The following ATF7IP variants were observed in gnomAD, a reference collection of about 807,000 sequenced individuals.
ATF7IP encodes activating transcription factor 7 interacting protein.
ATF7IP carries 23 observed loss-of-function variants against 106.4 expected under a neutral mutation model. The observed-to-expected ratio is 0.22, with a 90% CI of 0.16 to 0.31. The LOEUF (loss-of-function observed/expected upper bound fraction) is 0.31. Ranked by LOEUF, ATF7IP falls within the 10% of genes least tolerant of loss-of-function variation. The probability of loss-of-function intolerance (pLI) is 1.00; values close to 1 mark genes in which losing one functional copy is unlikely to be tolerated. For missense variants in ATF7IP, 1,334 were observed against 1,524.3 expected (o/e 0.88, Z 2.08); for synonymous variants, 542 against 539.0 (o/e 1.01, Z -0.08).
At chr12:14,467,541 T>C (rs1325172453) in intron 10 of ATF7IP, among the ~76,000 whole-genome samples, 1 of 152,222 alleles carries the variant, frequency 6.6e-6, no homozygotes, top group Non-Finnish European at 1.5e-5. Flanking sequence ...ATTAAAATTA[T>C]AAGATTGAGA....
intron 1 of ATF7IP, among the ~76,000 whole-genome samples, chr12:14,389,729 G>T (rs555927489): frequency 6.6e-6 from 1 of 152,268 alleles, no homozygotes; most frequent in South Asian, 2.1e-4. Flanking sequence ...CCAGGTTCAA[G>T]CAATTCTCCT....
chr12:14,451,001 C>G (rs1943181670), intron 6 of ATF7IP, among the ~76,000 whole-genome samples: 1 of 152,138 alleles, frequency 6.6e-6, no homozygotes, highest in East Asian at 1.9e-4. Flanking sequence ...TCTTGAACTC[C>G]TGACCTCAAG....
At chr12:14,427,056 A>G (rs1941891470) in intron 2 of ATF7IP, among the ~76,000 whole-genome samples, 1 of 152,114 alleles carries the variant, frequency 6.6e-6, no homozygotes, top group African/African-American at 2.4e-5. Context: ...TAACTTTATT[A>G]GAGCACCAGA....
At chr12:14,404,559 C>T (rs373886356) in intron 1 of ATF7IP, among the ~76,000 whole-genome samples, 2 of 152,206 alleles carry the variant, frequency 1.3e-5, no homozygotes, top group South Asian at 2.1e-4. Context: ...TTAGACCTAA[C>T]GATGTTAAAT....
chr12:14,388,590 G>A (rs193029257), intron 1 of ATF7IP, among the ~76,000 whole-genome samples: 148 of 152,088 alleles, frequency 9.7e-4, no homozygotes, highest in African/African-American at 3.3e-3. Context: ...AAAGTGATCC[G>A]CCTGCCTAGG....
chr12:14,409,530 C>T (rs1353810019), intron 1 of ATF7IP, among the ~76,000 whole-genome samples: 1 of 152,114 alleles, frequency 6.6e-6, no homozygotes, highest in Non-Finnish European at 1.5e-5. Context: ...TCACCTGTGT[C>T]ATGCTTAGTA....
chr12:14,444,735 T>C (rs1414675231), intron 5 of ATF7IP, among the ~76,000 whole-genome samples: 1 of 152,158 alleles, frequency 6.6e-6, no homozygotes, highest in Admixed American at 6.5e-5. Flanking sequence ...GCTACTGGAT[T>C]CATTTTTAAA....
At position 14,405,403 on chromosome 12, in the gene ATF7IP, C is replaced by CTT. The variant is rs145211652; in HGVS notation, c.-7-18478_-7-18477dup. ...GGATTTAGGGTCTTTTTTCTTTCAT[C>CTT]TTTTTTTTTTTTTTTTTTTTTTTTT... On this transcript the variant is annotated intron_variant, in intron 1 of 14. Transcript: ENST00000261168. Among the ~76,000 whole-genome samples, 76 of 83,570 alleles carry CTT rather than the reference C, an allele frequency of 9.1e-4. 3 individuals are homozygous for CTT. The highest frequency in any genetic ancestry group is 7.6e-3 in the East Asian group (17 of 2,242). 54.8% of individuals were successfully genotyped at this position (83,570 alleles called of 152,430 possible). A position where few individuals can be genotyped will look rare whatever the true frequency, so the allele number is the denominator to read the frequency against.
chr12:14,366,025 C>A (rs1311219890), intron 1 of ATF7IP, among the ~76,000 whole-genome samples, 198 bp downstream of exon 1: 1 of 152,162 alleles, frequency 6.6e-6, no homozygotes. Flanking sequence ...GCTGGCGGGG[C>A]GGTGGCTGCG....
intron 1 of ATF7IP, among the ~76,000 whole-genome samples, chr12:14,408,141 C>CACACACAA (rs550112357): frequency 5.9e-5 from 9 of 151,420 alleles, no homozygotes; most frequent in African/African-American, 2.2e-4. Flanking sequence ...CACACACACA[C>CACACACAA]AAATATATAT....
Position 14,425,073 on chromosome 12 carries a change from A to G in ATF7IP, c.1158A>G (p.Ile386Met). 1 of 1,595,656 alleles carries G rather than the reference A, an allele frequency of 6.3e-7. No individual in the cohort carries two copies. The highest frequency in any genetic ancestry group is 8.5e-7 in the Non-Finnish European group (1 of 1,175,308). Reference sequence around the variant, plus strand: ...AGCTTGCTCTTGGAGAAGATGCTATATCTAGCAGTATGGAAATTGACCAAG... The same window carrying G: ...AGCTTGCTCTTGGAGAAGATGCTATGTCTAGCAGTATGGAAATTGACCAAG... ...ITELALGEDA[I>M]SSSMEIDQGE... Residue 386 changes from isoleucine (I) to methionine (M), a missense_variant, in exon 2 of 15, where the codon ATA (isoleucine) becomes ATG (methionine). By Grantham distance (10) the Ile-to-Met change is conservative. Transcript: ENST00000261168.
intron 13 of ATF7IP, among the ~76,000 whole-genome samples, chr12:14,488,961 A>C (rs1184666681): frequency 6.6e-6 from 1 of 152,250 alleles, no homozygotes; most frequent in African/African-American, 2.4e-5. Flanking sequence ...TGACAATTAC[A>C]GTCCCCATTT....
At chr12:14,487,857 C>G (rs902402579) in intron 13 of ATF7IP, among the ~76,000 whole-genome samples, 1 of 152,190 alleles carries the variant, frequency 6.6e-6, no homozygotes, top group African/African-American at 2.4e-5. Context: ...CGACCAGTTT[C>G]ATTATGTTCC....
intron 10 of ATF7IP, 132 bp from the exon 11 acceptor site, chr12:14,475,758 G>C: frequency 1.7e-6 from 1 of 606,012 alleles, no homozygotes; most frequent in Non-Finnish European, 2.9e-6. Context: ...CTTTATTCAG[G>C]TACAGCCATT....
chr12:14,375,339 T>C (rs7302464), intron 1 of ATF7IP, among the ~76,000 whole-genome samples: 3 of 152,076 alleles, frequency 2.0e-5, no homozygotes, highest in Non-Finnish European at 4.4e-5. Context: ...GGAAAAACAG[T>C]TTTCAATGTC....
At chr12:14,381,068 C>T (rs567896793) in intron 1 of ATF7IP, among the ~76,000 whole-genome samples, 1 of 152,134 alleles carries the variant, frequency 6.6e-6, no homozygotes, top group Non-Finnish European at 1.5e-5. Context: ...GCCATTTTAT[C>T]GTTCTCTCTG....
At chr12:14,461,770 G>C (rs1943647601) in intron 9 of ATF7IP, among the ~76,000 whole-genome samples, 1 of 152,078 alleles carries the variant, frequency 6.6e-6, no homozygotes, top group Non-Finnish European at 1.5e-5. Context: ...TTCCTAGAAA[G>C]AGTTTGTTTT....
At chr12:14,399,729 A>G (rs1453899001) in intron 1 of ATF7IP, among the ~76,000 whole-genome samples, 1 of 151,490 alleles carries the variant, frequency 6.6e-6, no homozygotes, top group East Asian at 1.9e-4. Context: ...CACTTAGAGG[A>G]TTTTTTAATA....
chr12:14,456,449 A>G (rs1454219809), intron 6 of ATF7IP, 112 bp from the exon 7 acceptor site: 5 of 682,680 alleles, frequency 7.3e-6, no homozygotes, highest in South Asian at 5.4e-5. Flanking sequence ...TTCCCATTAT[A>G]TTAGAACAGT....
Sources: gnomAD v4.1 joint callset for allele counts (sites outside exome capture counted in the v4.1 genomes callset) on GRCh38, gnomAD v4.1.1 for gene constraint, MANE v1.5 for transcripts, NCBI Gene and HGNC (gene_info 2026-07-23, HGNC 2026-07-21) for gene names.